Variants in PTPRT observed in about 807,000 individuals in gnomAD.
PTPRT encodes receptor-type tyrosine-protein phosphatase T.
PTPRT carries 56 observed loss-of-function variants against 176.8 expected under a neutral mutation model. That is an observed-to-expected ratio of 0.32 (90% CI 0.26 to 0.40). The LOEUF is 0.40. Among genes scored for constraint, PTPRT ranks in the 10% least tolerant of loss-of-function variants. The pLI, the probability that PTPRT is intolerant of heterozygous loss-of-function variation, is 1.00. For synonymous variants in PTPRT, 783 were observed against 739.0 expected, an observed-to-expected ratio of 1.06 and a Z score of -0.96; for missense variants, 1,540 against 1,908.2, an observed-to-expected ratio of 0.81 and a Z score of 3.60.
At chr20:42,578,980 C>A (rs1177036938) in intron 7 of PTPRT, among the ~76,000 whole-genome samples, 1 of 148,620 alleles carries the variant, frequency 6.7e-6, no homozygotes, top group Non-Finnish European at 1.5e-5. Flanking sequence ...CATATGTATA[C>A]ATGTGCCATG....
At chr20:42,065,708 T>G in the PTPRT span, among the ~76,000 whole-genome samples, 1 of 152,220 alleles carries the variant, frequency 6.6e-6, no homozygotes, top group East Asian at 1.9e-4. Flanking sequence ...CTTATGCTTA[T>G]TGGTCAAGAC....
intron 7 of PTPRT, among the ~76,000 whole-genome samples, chr20:42,534,399 C>T (rs1170164454): frequency 3.3e-5 from 5 of 151,900 alleles, no homozygotes; most frequent in East Asian, 3.9e-4. Flanking sequence ...TTTGGGAGGC[C>T]GAGGCGGGTG....
At chr20:42,406,883 A>C (rs373469007) in intron 9 of PTPRT, among the ~76,000 whole-genome samples, 5 of 152,202 alleles carry the variant, frequency 3.3e-5, no homozygotes, top group East Asian at 1.9e-4. Flanking sequence ...TGGTTGAATC[A>C]ATAGACAGTG....
chr20:42,630,755 C>T (rs73110420), intron 7 of PTPRT, among the ~76,000 whole-genome samples: 15 of 152,248 alleles, frequency 9.9e-5, no homozygotes, highest in Non-Finnish European at 1.5e-4. Context: ...GGGTTATTAG[C>T]GATTGCCATG....
intron 22 of PTPRT, among the ~76,000 whole-genome samples, chr20:42,111,126 C>G (rs1028036545): frequency 1.3e-5 from 2 of 152,138 alleles, no homozygotes; most frequent in Admixed American, 6.5e-5. Flanking sequence ...CCTTTCACAC[C>G]CCTCCACCCC....
the PTPRT span, among the ~76,000 whole-genome samples, chr20:42,059,128 G>A: frequency 5.3e-5 from 8 of 152,184 alleles, no homozygotes; most frequent in East Asian, 5.8e-4. Flanking sequence ...ATTTCTGGGC[G>A]AGGACTCTGA....
At chr20:42,222,366 G>A (rs140303856) in intron 15 of PTPRT, among the ~76,000 whole-genome samples, 114 of 152,296 alleles carry the variant, frequency 7.5e-4, no homozygotes, top group African/African-American at 2.6e-3. Flanking sequence ...CACTCTGCCT[G>A]GTTTATAACT....
intron 7 of PTPRT, among the ~76,000 whole-genome samples, chr20:42,563,216 A>T (rs906498321): frequency 6.6e-5 from 10 of 152,182 alleles, no homozygotes; most frequent in Non-Finnish European, 1.3e-4. Flanking sequence ...AGATGTGTAA[A>T]GCTCCCCAAA....
At chr20:42,550,098 C>T (rs1263282701) in intron 7 of PTPRT, among the ~76,000 whole-genome samples, 1 of 152,114 alleles carries the variant, frequency 6.6e-6, no homozygotes, top group African/African-American at 2.4e-5. Flanking sequence ...TATTGAATAG[C>T]TATCGCTTTG....
intron 1 of PTPRT, among the ~76,000 whole-genome samples, chr20:43,097,233 T>C (rs1441901397): frequency 6.6e-6 from 1 of 152,176 alleles, no homozygotes; most frequent in African/African-American, 2.4e-5. Flanking sequence ...GAGAAACTCA[T>C]GCTCAAATCC....
At chr20:42,753,535 C>T (rs1446762280) in intron 6 of PTPRT, among the ~76,000 whole-genome samples, 2 of 152,236 alleles carry the variant, frequency 1.3e-5, no homozygotes, top group Non-Finnish European at 2.9e-5. Flanking sequence ...CAACCCCCCA[C>T]TGTTCAATGT....
chr20:43,005,290 G>C (rs1038933777), intron 1 of PTPRT, among the ~76,000 whole-genome samples: 4 of 152,068 alleles, frequency 2.6e-5, no homozygotes, highest in African/African-American at 9.7e-5. Flanking sequence ...CTCTCCAACC[G>C]CATCTTGTTG....
At chr20:42,673,884 C>T (rs764673768) in intron 7 of PTPRT, among the ~76,000 whole-genome samples, 17 of 152,188 alleles carry the variant, frequency 1.1e-4, no homozygotes, top group African/African-American at 2.2e-4. Context: ...TCCATGCTGA[C>T]GCTGTTTTTC....
chr20:43,158,274 TTGAC>T, intron 1 of PTPRT, among the ~76,000 whole-genome samples: 1 of 152,310 alleles, frequency 6.6e-6, no homozygotes, highest in Admixed American at 6.5e-5. Flanking sequence ...GCAGTTGCCA[TTGAC>T]TGACATGAGG....
chr20:42,481,639 T>G (rs1371968918), intron 7 of PTPRT, among the ~76,000 whole-genome samples: 2 of 152,008 alleles, frequency 1.3e-5, no homozygotes, highest in African/African-American at 4.8e-5. Context: ...TTTTTAATTT[T>G]TTTTTTAGAG....
rs1983223368 is a variant in PTPRT, at chr20:42,080,582, G to A, written c.*297C>T. On this transcript the variant is annotated 3_prime_UTR_variant, in exon 31 of 31. Transcript: ENST00000373187. ...CCACAAACTCAGAACAAAAGCAGGT[G>A]GTCTGGGAGCCAGAAATCCAAGGCC... is the stretch of plus-strand genomic sequence containing the variant. The A allele has an allele frequency of 3.0e-6, 1 of 336,440 alleles. No homozygotes were observed. Among genetic ancestry groups the A allele is most frequent in the East Asian group, 4.9e-5 (1 of 20,464 alleles). 20.8% of individuals were successfully genotyped at this position (336,440 alleles called of 1,614,324 possible).
intron 7 of PTPRT, among the ~76,000 whole-genome samples, chr20:42,544,946 T>A (rs544136968): frequency 6.6e-6 from 1 of 152,302 alleles, no homozygotes; most frequent in Non-Finnish European, 1.5e-5. Flanking sequence ...AGCCACTGTG[T>A]CTGACCCAGA....
intron 7 of PTPRT, among the ~76,000 whole-genome samples, chr20:42,557,043 C>T (rs1027201292): frequency 1.3e-5 from 2 of 152,070 alleles, no homozygotes; most frequent in African/African-American, 4.8e-5. Flanking sequence ...GACTAACATC[C>T]TATACATACA....
At chr20:42,617,046 GC>G (rs1263593707) in intron 7 of PTPRT, among the ~76,000 whole-genome samples, 1 of 136,544 alleles carries the variant, frequency 7.3e-6, no homozygotes, top group East Asian at 2.0e-4. Context: ...TCCAGTTTTT[GC>G]CCATTCAGTA....
Sources: allele counts gnomAD v4.1 joint callset (sites outside exome capture counted in the v4.1 genomes callset), GRCh38; gene constraint gnomAD v4.1.1; transcripts MANE v1.5; gene names NCBI Gene and HGNC (gene_info 2026-07-23, HGNC 2026-07-21).